Variants in XIRP2 observed in about 807,000 individuals in gnomAD.
XIRP2 encodes the protein xin actin binding repeat containing 2.
Under a neutral mutation model 277.0 loss-of-function variants are expected in XIRP2, and 236 were observed. The observed-to-expected ratio is 0.85, with a 90% CI of 0.77 to 0.95. XIRP2 has a LOEUF of 0.95. XIRP2 is among the 40% of genes least tolerant of loss of function. XIRP2 has a pLI of 0.00. For synonymous variants in XIRP2, 1,490 were observed against 1,416.5 expected (o/e 1.05, Z -1.17); for missense variants, 4,640 against 4,157.5 (o/e 1.12, Z -3.19).
At position 167,250,672 on chromosome 2, in the gene XIRP2, A is replaced by G. The variant is rs1184236406; in HGVS notation, c.9280A>G (p.Ser3094Gly). 1 of 1,613,494 alleles carries G rather than the reference A, an allele frequency of 6.2e-7. No homozygotes were observed. Among genetic ancestry groups the G allele is most frequent in the Non-Finnish European group, 8.5e-7 (1 of 1,179,732 alleles). The change falls in exon 9 of 11, where the codon AGT becomes GGT. Residue 3094 changes from serine (S) to glycine (G), a missense_variant. Coordinates refer to ENST00000409195, the MANE Select transcript of XIRP2 (RefSeq NM_152381.6). ...AGCTCATCATGAAGCAACTGTTCGT[A>G]GTCACGTGAAAACCCATCAGGAAAT... ...VAAHHEATVR[S>G]HVKTHQEIKL...
At chr2:167,025,421 A>AT (rs1323033258) in intron 2 of XIRP2, among the ~76,000 whole-genome samples, 1 of 151,962 alleles carries the variant, frequency 6.6e-6, no homozygotes, top group Admixed American at 6.6e-5. Flanking sequence ...GGATTCATTA[A>AT]TTTTTTGAAG....
Position 167,242,965 on chromosome 2 carries a change from G to C in XIRP2, c.1573G>C (p.Val525Leu). 9 of 1,613,880 alleles carry C rather than the reference G, an allele frequency of 5.6e-6. No individual in the cohort carries two copies. The highest frequency in any genetic ancestry group is 7.6e-6 in the Non-Finnish European group (9 of 1,179,924). The part of the protein sequence containing the change: ...KDYISEVSEI[V>L]SSQMNSGSSV... ...TTATATCAGTGAAGTTTCTGAGATT[G>C]TTTCTAGTCAAATGAACTCAGGGAG... Residue 525 changes from valine (V) to leucine (L), a missense_variant, in exon 9 of 11, where the codon GTT becomes CTT. By Grantham distance (32) the Val-to-Leu change is conservative. Coordinates refer to ENST00000409195, the MANE Select transcript of XIRP2 (RefSeq NM_152381.6).
chr2:166,984,412 T>G (rs1392670840), intron 2 of XIRP2, among the ~76,000 whole-genome samples: 2 of 152,108 alleles, frequency 1.3e-5, no homozygotes, highest in Non-Finnish European at 2.9e-5. Flanking sequence ...TGTGATAAAA[T>G]CAGTTAAAAA....
chr2:167,249,909 A>G lies in XIRP2; in HGVS notation c.8517A>G (p.Arg2839=). Residue 2839 remains arginine (R), a synonymous_variant, in exon 9 of 11, where the codon AGA becomes AGG. Transcript: ENST00000409195. ...GRKEERLITE[R]KHEHLKNKSA... The stretch of plus-strand genomic sequence containing the variant: ...AAGAAGAGAGATTAATAACTGAAAG[A>G]AAACACGAACATCTGAAGAATAAAT... 6.2e-7 allele frequency: 1 copy of G among 1,613,504 alleles called. No individual in the cohort carries two copies. Among genetic ancestry groups the G allele is most frequent in the Non-Finnish European group, 8.5e-7 (1 of 1,179,696 alleles).
At chr2:167,005,786 T>C (rs1157934036) in intron 2 of XIRP2, among the ~76,000 whole-genome samples, 1 of 119,570 alleles carries the variant, frequency 8.4e-6, no homozygotes, top group Non-Finnish European at 1.7e-5. Flanking sequence ...ATCTCTTTAT[T>C]GATAAAAAAA....
intron 4 of XIRP2, among the ~76,000 whole-genome samples, chr2:167,213,688 A>C (rs1694127711): frequency 6.6e-6 from 1 of 152,204 alleles, no homozygotes; most frequent in Non-Finnish European, 1.5e-5. Context: ...AATAAGGTAA[A>C]GTCACAGGAA....
At chr2:166,926,423 A>G (rs1380382545) in intron 2 of XIRP2, among the ~76,000 whole-genome samples, 1 of 152,128 alleles carries the variant, frequency 6.6e-6, no homozygotes, top group East Asian at 1.9e-4. Flanking sequence ...CCAGCCGCCT[A>G]TCATTTCACT....
At chr2:167,114,324 C>CT (rs1170341772) in intron 2 of XIRP2, among the ~76,000 whole-genome samples, 1 of 151,940 alleles carries the variant, frequency 6.6e-6, no homozygotes, top group African/African-American at 2.4e-5. Context: ...TTTGTTTATT[C>CT]TTTTTTATTT....
intron 3 of XIRP2, among the ~76,000 whole-genome samples, chr2:167,181,684 T>A (rs757466327): frequency 1.3e-5 from 2 of 152,220 alleles, no homozygotes; most frequent in Non-Finnish European, 2.9e-5. Context: ...CATTCATTCC[T>A]GTCTTTATTG....
chr2:167,017,410 T>G (rs1357888300), intron 2 of XIRP2, among the ~76,000 whole-genome samples: 1 of 151,976 alleles, frequency 6.6e-6, no homozygotes, highest in Non-Finnish European at 1.5e-5. Flanking sequence ...GTCAACACTG[T>G]GTAACAAAAA....
intron 2 of XIRP2, among the ~76,000 whole-genome samples, chr2:167,063,254 G>A (rs568794476): frequency 2.6e-5 from 4 of 151,732 alleles, no homozygotes; most frequent in Non-Finnish European, 5.9e-5. Flanking sequence ...TAACGTTTTT[G>A]TGTTCAGACA....
intron 3 of XIRP2, among the ~76,000 whole-genome samples, chr2:167,174,231 A>G (rs975166823): frequency 6.6e-6 from 1 of 152,094 alleles, no homozygotes; most frequent in Admixed American, 6.6e-5. Context: ...TCGGCTGTGA[A>G]TCTGTCTGGT....
At chr2:167,253,947 G>C in intron 9 of XIRP2, 85 bp from the exon 10 acceptor site, 1 of 1,451,854 alleles carries the variant, frequency 6.9e-7, no homozygotes, top group Non-Finnish European at 9.2e-7. Context: ...CGCATGGCCA[G>C]TTAATATGTG....
chr2:166,937,268 C>T (rs933568884), intron 2 of XIRP2, among the ~76,000 whole-genome samples: 15 of 152,148 alleles, frequency 9.9e-5, no homozygotes, highest in African/African-American at 3.4e-4. Flanking sequence ...CGTCCATCAA[C>T]ACCTAATTTA....
intron 3 of XIRP2, among the ~76,000 whole-genome samples, chr2:167,157,025 A>AT: frequency 6.6e-6 from 1 of 152,042 alleles, no homozygotes; most frequent in Middle Eastern, 3.4e-3. Flanking sequence ...ATCCTTATAC[A>AT]TTTTTCCAAT....
In XIRP2 at chr2:167,242,758, C is replaced by A. The variant is rs751995720; in HGVS notation, c.1366C>A (p.Pro456Thr). Residue 456 changes from proline (P) to threonine (T), a missense_variant, in exon 9 of 11, where the codon CCA becomes ACA. By Grantham distance (38) the Pro-to-Thr change is conservative. Coordinates refer to ENST00000409195, the MANE Select transcript of XIRP2 (RefSeq NM_152381.6). ...SGMTEEFPPP[P>T]PDVLQTSVDV... ...AATGACAGAAGAATTTCCTCCTCCC[C>A]CACCTGACGTACTTCAAACTTCAGT... 1 of 1,614,032 alleles carries A rather than the reference C, an allele frequency of 6.2e-7. No homozygotes were observed. Among genetic ancestry groups the A allele is most frequent in the South Asian group, 1.1e-5 (1 of 91,074 alleles).
At chr2:166,996,231 G>A (rs533420030) in intron 2 of XIRP2, among the ~76,000 whole-genome samples, 12 of 152,272 alleles carry the variant, frequency 7.9e-5, no homozygotes, top group African/African-American at 2.6e-4. Flanking sequence ...CTAGTAAATC[G>A]AAAGAGGATT....
chr2:167,239,838 T>G lies in XIRP2; in HGVS notation c.859-17T>G. ...TACTTTTCTTAAGGCATTGTCTGTC[T>G]GTCTGTGTGCTTTCAGGAGGCAATT... is the stretch of plus-strand genomic sequence containing the variant. On this transcript the variant is annotated splice_polypyrimidine_tract_variant and intron_variant, in intron 5 of 10. Coordinates refer to ENST00000409195, the MANE Select transcript of XIRP2 (RefSeq NM_152381.6). 21 of 1,588,538 alleles carry G rather than the reference T, an allele frequency of 1.3e-5. No individual in the cohort carries two copies. The highest frequency in any genetic ancestry group is 1.8e-5 in the Non-Finnish European group (21 of 1,171,034).
intron 2 of XIRP2, among the ~76,000 whole-genome samples, chr2:166,964,836 C>T (rs941326263): frequency 7.2e-5 from 11 of 151,750 alleles, no homozygotes; most frequent in African/African-American, 2.7e-4. Flanking sequence ...TCTAGTTGCC[C>T]TTTCTGATCT....
Sources: allele counts gnomAD v4.1 joint callset (sites outside exome capture counted in the v4.1 genomes callset), GRCh38; gene constraint gnomAD v4.1.1; transcripts MANE v1.5; gene names NCBI Gene and HGNC (gene_info 2026-07-23, HGNC 2026-07-21).